The following CACNA1D variants were observed in gnomAD, a reference collection of about 807,000 sequenced individuals.
CACNA1D encodes calcium voltage-gated channel subunit alpha1 D.
CACNA1D carries 55 observed loss-of-function variants against 257.1 expected under a neutral mutation model. That is an observed-to-expected ratio of 0.21 (90% CI 0.17 to 0.27). CACNA1D has a LOEUF of 0.27. CACNA1D is among the 10% of genes least tolerant of loss of function. The pLI is 1.00. For missense variants in CACNA1D, 1,876 were observed against 2,784.0 expected (o/e 0.67, Z 7.34); for synonymous variants, 980 against 1,014.9 (o/e 0.97, Z 0.65).
At chr3:53,523,897 G>C (rs2107374280) in intron 3 of CACNA1D, among the ~76,000 whole-genome samples, 1 of 152,306 alleles carries the variant, frequency 6.6e-6, no homozygotes, top group South Asian at 2.1e-4. Flanking sequence ...TCCTCCACCA[G>C]ACTCTGAGAG....
chr3:53,693,515 C>G (rs1200557682), intron 8 of CACNA1D, among the ~76,000 whole-genome samples: 1 of 149,058 alleles, frequency 6.7e-6, no homozygotes, highest in African/African-American at 2.5e-5. Context: ...GAAACTGAAC[C>G]TTTATGCTTT....
intron 3 of CACNA1D, among the ~76,000 whole-genome samples, chr3:53,612,960 G>C (rs559775518): frequency 6.6e-6 from 1 of 152,302 alleles, no homozygotes; most frequent in Admixed American, 6.5e-5. Context: ...AGAAGTAGAA[G>C]GCAGTCGTCA....
At chr3:53,641,485 A>G (rs959193779) in intron 3 of CACNA1D, among the ~76,000 whole-genome samples, 1 of 152,142 alleles carries the variant, frequency 6.6e-6, no homozygotes, top group Admixed American at 6.5e-5. Context: ...TATGGAGCAG[A>G]TAACCAGTGA....
At chr3:53,626,429 G>C (rs746626406) in intron 3 of CACNA1D, among the ~76,000 whole-genome samples, 4 of 152,216 alleles carry the variant, frequency 2.6e-5, no homozygotes, top group Non-Finnish European at 4.4e-5. Context: ...GGTGCCGTGT[G>C]CATTGGCACA....
At chr3:53,777,029 T>C in intron 37 of CACNA1D, 73 bp downstream of exon 37, 1 of 1,132,144 alleles carries the variant, frequency 8.8e-7, no homozygotes, top group Non-Finnish European at 1.3e-6. Flanking sequence ...ACTTGTTAAG[T>C]GACACAGCCA....
rs1216041811 is a variant in CACNA1D, at chr3:53,813,435, G to C, written c.*2029G>C. ...AAATTATGGATATTCTTATCCTCCT[G>C]GTTCCTTCGGTGCCAATGGTAACCT... On this transcript the variant is annotated 3_prime_UTR_variant, in exon 48 of 48. Transcript: ENST00000350061. 1 of 152,188 alleles carries C rather than the reference G, an allele frequency of 6.6e-6. No homozygotes were observed. The highest frequency in any genetic ancestry group is 1.5e-5 in the Non-Finnish European group (1 of 68,040). The allele number at this position is 152,188 out of a possible 1,614,324, so 9.4% of individuals were successfully genotyped here. A position where few individuals can be genotyped will look rare whatever the true frequency, so the allele number is the denominator to read the frequency against.
chr3:53,636,586 G>C (rs2093886845), intron 3 of CACNA1D, among the ~76,000 whole-genome samples: 1 of 152,180 alleles, frequency 6.6e-6, no homozygotes, highest in African/African-American at 2.4e-5. Flanking sequence ...GGGATTACAG[G>C]CATTAGCCAC....
intron 3 of CACNA1D, among the ~76,000 whole-genome samples, chr3:53,525,297 G>A (rs1041147735): frequency 1.4e-4 from 21 of 152,188 alleles, no homozygotes; most frequent in African/African-American, 4.3e-4. Context: ...TAAAAATCCT[G>A]GTATCGTAAA....
At chr3:53,604,504 C>T (rs1243578773) in intron 3 of CACNA1D, among the ~76,000 whole-genome samples, 3 of 152,160 alleles carry the variant, frequency 2.0e-5, no homozygotes, top group Non-Finnish European at 4.4e-5. Context: ...GCATTGAACA[C>T]CTCCCCACCC....
At chr3:53,529,319 T>C (rs576706095) in intron 3 of CACNA1D, among the ~76,000 whole-genome samples, 1 of 152,378 alleles carries the variant, frequency 6.6e-6, no homozygotes, top group East Asian at 1.9e-4. Context: ...GAATTTTGCA[T>C]GTTAAACCAA....
intron 3 of CACNA1D, among the ~76,000 whole-genome samples, chr3:53,518,411 T>G (rs931010829): frequency 6.6e-6 from 1 of 152,194 alleles, no homozygotes; most frequent in African/African-American, 2.4e-5. Flanking sequence ...CCAGGCACCT[T>G]GAAGTTGCTT....
At position 53,501,736 on chromosome 3, in the gene CACNA1D, G is replaced by A. The variant is rs778855715; in HGVS notation, c.483+16G>A. On this transcript the variant is annotated intron_variant, in intron 3 of 47. Transcript: ENST00000350061. Reference sequence around the variant, plus strand: ...TCATAACTTGGTAAGTGTCCTTAGAGTTCCTGCTGGTCCTGGTATATGGTT... The same window carrying A: ...TCATAACTTGGTAAGTGTCCTTAGAATTCCTGCTGGTCCTGGTATATGGTT... The A allele has an allele frequency of 7.7e-7, 1 of 1,294,878 alleles. No individual in the cohort carries two copies. The highest frequency in any genetic ancestry group is 1.1e-6 in the Non-Finnish European group (1 of 889,902). The allele number at this position is 1,294,878 out of a possible 1,614,324, so 80.2% of individuals were successfully genotyped here.
intron 3 of CACNA1D, among the ~76,000 whole-genome samples, chr3:53,536,376 T>C (rs2092114771): frequency 6.6e-6 from 1 of 152,092 alleles, no homozygotes; most frequent in Non-Finnish European, 1.5e-5. Context: ...ACTGAGAAAA[T>C]AGATTCTATC....
At chr3:53,714,248 G>A (rs143615731) in intron 9 of CACNA1D, among the ~76,000 whole-genome samples, 231 of 152,264 alleles carry the variant, frequency 1.5e-3, no homozygotes, top group African/African-American at 4.9e-3. Flanking sequence ...GGCACTTGTC[G>A]GCAATGTGGG....
chr3:53,763,630 C>T (rs930443566), intron 30 of CACNA1D, among the ~76,000 whole-genome samples: 1 of 152,232 alleles, frequency 6.6e-6, no homozygotes, highest in South Asian at 2.1e-4. Context: ...CCCTGATGCT[C>T]TGCCTGGTGA....
chr3:53,811,543 T>C lies in CACNA1D; in HGVS notation c.*137T>C. The C allele has an allele frequency of 1.4e-6, 1 of 720,854 alleles. No individual in the cohort carries two copies. The highest frequency in any genetic ancestry group is 2.2e-6 in the Non-Finnish European group (1 of 454,162). The allele number at this position is 720,854 out of a possible 1,614,324, so 44.7% of individuals were successfully genotyped here. ...TAATTAGACTTTTGTATAAGAGATG[T>C]CATGCCTCAAGAAAGCCATAAACCT... On this transcript the variant is annotated 3_prime_UTR_variant, in exon 48 of 48. Transcript: ENST00000350061. The surrounding 1 kb of genome is among the most constrained non-coding windows in gnomAD (Gnocchi z 4.2).
intron 40 of CACNA1D, chr3:53,796,244 G>C: frequency 2.3e-6 from 1 of 442,618 alleles, no homozygotes; most frequent in South Asian, 1.6e-5. Flanking sequence ...TGCAGGGCCA[G>C]CCTAGGCTGA....
chr3:53,673,826 C>A lies in CACNA1D; in HGVS notation c.1220+700C>A, dbSNP rs117630105. On this transcript the variant is annotated intron_variant, in intron 8 of 47. Coordinates refer to ENST00000350061, the MANE Select transcript of CACNA1D (RefSeq NM_001128840.3). The surrounding 1 kb of genome is among the most constrained non-coding windows in gnomAD (Gnocchi z 4.1). ...TTGGTGTCCTTAGTGGGTAAGCAGT[C>A]GGATCCGTGTTGCACCTTCTCCTGC... 2 of 1,571,390 alleles carry A rather than the reference C, an allele frequency of 1.3e-6. No individual in the cohort carries two copies. Among genetic ancestry groups the A allele is most frequent in the Non-Finnish European group, 1.8e-6 (2 of 1,141,050 alleles).
chr3:53,537,125 T>A (rs1202321471), intron 3 of CACNA1D, among the ~76,000 whole-genome samples: 2 of 152,234 alleles, frequency 1.3e-5, no homozygotes, highest in East Asian at 3.8e-4. Context: ...TCTCCTACAT[T>A]GTCCTTTATT....
Sources: allele counts gnomAD v4.1 joint callset (sites outside exome capture counted in the v4.1 genomes callset), GRCh38; gene constraint gnomAD v4.1.1; non-coding constraint Gnocchi (gnomAD v3.1); transcripts MANE v1.5; gene names NCBI Gene and HGNC (gene_info 2026-07-23, HGNC 2026-07-21).